QKI: variants seen among roughly 807,000 people sequenced by gnomAD.
The protein encoded by QKI is QKI, KH domain containing RNA binding.
A neutral mutation model predicts 39.0 loss-of-function variants in QKI; 10 were observed. That is an observed-to-expected ratio of 0.26 (90% CI 0.16 to 0.43). QKI has a LOEUF of 0.43. Ranked by LOEUF, QKI falls within the 20% of genes least tolerant of loss-of-function variation. The pLI is 1.00. For synonymous variants in QKI, 204 were observed against 155.4 expected (o/e 1.31, Z -2.33); for missense variants, 218 against 428.0 (o/e 0.51, Z 4.33).
At chr6:163,566,331 G>T in intron 6 of QKI, 1 of 1,188,238 alleles carries the variant, frequency 8.4e-7, no homozygotes, top group Non-Finnish European at 1.0e-6. Context: ...CTCTTGAAGT[G>T]GTCTTAAGGT....
rs1562559088 is a variant in QKI at position 163,571,406 on chromosome 6, T to C, written c.*696T>C. On this transcript the variant is annotated 3_prime_UTR_variant, in exon 8 of 8. Transcript: ENST00000361752. ...AACACTATTTTTAAAAAGATAAATA[T>C]CTGAGTTAAAATTACTGAATCTTTA... is the stretch of plus-strand genomic sequence containing the variant. 1 of 152,132 alleles carries C rather than the reference T, an allele frequency of 6.6e-6. No individual in the cohort carries two copies. The highest frequency in any genetic ancestry group is 1.5e-5 in the Non-Finnish European group (1 of 68,040). 9.4% of individuals were successfully genotyped at this position (152,132 alleles called of 1,614,324 possible).
chr6:163,430,494 G>C (rs886755200), intron 1 of QKI, among the ~76,000 whole-genome samples: 1 of 151,834 alleles, frequency 6.6e-6, no homozygotes, highest in Non-Finnish European at 1.5e-5. Flanking sequence ...TTATTATGAA[G>C]CCATGTGTTT....
intron 3 of QKI, among the ~76,000 whole-genome samples, chr6:163,521,069 G>A (rs1051245238): frequency 9.2e-5 from 14 of 151,992 alleles, no homozygotes; most frequent in African/African-American, 3.4e-4. Flanking sequence ...TGAAATACAC[G>A]TTAATACTTT....
rs1180654181 is a variant in QKI at position 163,572,703 on chromosome 6, CCT to C, written c.*1996_*1997del. 7.7e-6 allele frequency: 1 copy of C among 130,362 alleles called. No individual in the cohort carries two copies. Among genetic ancestry groups the C allele is most frequent in the East Asian group, 2.8e-4 (1 of 3,572 alleles). The allele number at this position is 130,362 out of a possible 1,614,324, so 8.1% of individuals were successfully genotyped here. A position where few individuals can be genotyped will look rare whatever the true frequency, so the allele number is the denominator to read the frequency against. Reference sequence around the variant, plus strand: ...CCCCGCCCAGCTTATCAACTCGTCCCCTCTTCCACACCTTCCCAGCATCACAG... The same window carrying C: ...CCCCGCCCAGCTTATCAACTCGTCCCCTTCCACACCTTCCCAGCATCACAG... On this transcript the variant is annotated 3_prime_UTR_variant, in exon 8 of 8. Transcript: ENST00000361752.
At chr6:163,465,073 A>T (rs565893934) in intron 2 of QKI, among the ~76,000 whole-genome samples, 3 of 152,352 alleles carry the variant, frequency 2.0e-5, no homozygotes, top group African/African-American at 7.2e-5. Flanking sequence ...ACAGAATGAA[A>T]AATAAAAACC....
intron 5 of QKI, among the ~76,000 whole-genome samples, chr6:163,563,117 G>A (rs776692174): frequency 6.6e-6 from 1 of 152,112 alleles, no homozygotes; most frequent in Non-Finnish European, 1.5e-5. Context: ...ATGTACTTTA[G>A]TCTTATGAAA....
At chr6:163,490,037 G>A (rs913195425) in intron 3 of QKI, among the ~76,000 whole-genome samples, 14 of 152,104 alleles carry the variant, frequency 9.2e-5, no homozygotes, top group African/African-American at 3.4e-4. Context: ...CAGGTTGTTT[G>A]TTAGAGGGTT....
chr6:163,491,017 T>TAGTA (rs1305392595), intron 3 of QKI, among the ~76,000 whole-genome samples: 2 of 152,214 alleles, frequency 1.3e-5, no homozygotes, highest in Non-Finnish European at 2.9e-5. Context: ...GTTTATTGCC[T>TAGTA]AGTAGCCTTA....
rs528627777 is a variant in QKI, at chr6:163,575,685, T to C, written c.*4975T>C. The C allele has an allele frequency of 1.1e-4, 16 of 152,300 alleles. No homozygotes were observed. Among genetic ancestry groups the C allele is most frequent in the African/African-American group, 3.8e-4 (16 of 41,570 alleles). 9.4% of individuals were successfully genotyped at this position (152,300 alleles called of 1,614,324 possible). On this transcript the variant is annotated 3_prime_UTR_variant, in exon 8 of 8. Transcript: ENST00000361752. Reference sequence around the variant, plus strand: ...TGTGCATACGTACACACAATCGGTGTCTGGTTATGGTTTTCTAAACACTAC... The same window carrying C: ...TGTGCATACGTACACACAATCGGTGCCTGGTTATGGTTTTCTAAACACTAC...
chr6:163,480,362 A>G (rs1792985249), intron 3 of QKI, among the ~76,000 whole-genome samples: 2 of 152,100 alleles, frequency 1.3e-5, no homozygotes, highest in East Asian at 1.9e-4. Context: ...TTAGACCAGT[A>G]CGCTGAATCG....
At chr6:163,546,304 A>G (rs1187834710) in intron 4 of QKI, among the ~76,000 whole-genome samples, 2 of 151,808 alleles carry the variant, frequency 1.3e-5, no homozygotes, top group East Asian at 3.9e-4. Flanking sequence ...AAGTAGCATC[A>G]TGTTCCTTAT....
At chr6:163,510,491 G>A (rs577729006) in intron 3 of QKI, among the ~76,000 whole-genome samples, 55 of 151,784 alleles carry the variant, frequency 3.6e-4, no homozygotes, top group East Asian at 5.8e-4. Flanking sequence ...AACTCGGGAG[G>A]TGTGGGTTGC....
rs983052365 is a variant in QKI at position 163,568,699 on chromosome 6, A to G, written c.1009+1904A>G. ...GCATTCATTTAATGCAAAAAAACTC[A>G]GCCCTTGGACATATAACCATGTAAT... On this transcript the variant is annotated intron_variant, in intron 7 of 7. Coordinates refer to ENST00000361752, the MANE Select transcript of QKI (RefSeq NM_006775.3). 5.4e-5 allele frequency: 53 copies of G among 985,218 alleles called. No individual in the cohort carries two copies. In the African/African-American group the frequency reaches 8.2e-4, roughly 15 times the overall value. 61.0% of individuals were successfully genotyped at this position (985,218 alleles called of 1,614,324 possible).
At chr6:163,536,044 A>C (rs890614571) in intron 4 of QKI, among the ~76,000 whole-genome samples, 2 of 152,206 alleles carry the variant, frequency 1.3e-5, no homozygotes, top group Admixed American at 6.5e-5. Flanking sequence ...CAGATAGCCT[A>C]TTCTTTATTA....
intron 3 of QKI, among the ~76,000 whole-genome samples, chr6:163,518,329 G>T (rs1779955811): frequency 6.6e-6 from 1 of 152,108 alleles, no homozygotes; most frequent in African/African-American, 2.4e-5. Flanking sequence ...TCAAAGATAA[G>T]ATACAATCAA....
intron 2 of QKI, among the ~76,000 whole-genome samples, chr6:163,470,431 C>A (rs557219376): frequency 6.6e-6 from 1 of 152,196 alleles, no homozygotes; most frequent in African/African-American, 2.4e-5. Flanking sequence ...AGGTGCCTGG[C>A]AGAAGCTGAT....
At chr6:163,423,636 T>C (rs1023859180) in intron 1 of QKI, 2 of 152,254 alleles carry the variant, frequency 1.3e-5, no homozygotes, top group African/African-American at 2.4e-5. Flanking sequence ...TTCTGTGATA[T>C]GCTGGTTTTG....
At chr6:163,494,936 G>A (rs1778309048) in intron 3 of QKI, among the ~76,000 whole-genome samples, 1 of 150,578 alleles carries the variant, frequency 6.6e-6, no homozygotes, top group Non-Finnish European at 1.5e-5. Context: ...TTTTTTTTGA[G>A]ACAGAGTCAC....
In QKI at chr6:163,495,537, A is replaced by G. The variant is rs534321921; in HGVS notation, c.402+16641A>G. Among the ~76,000 whole-genome samples, 18 of 152,270 alleles carry G rather than the reference A, an allele frequency of 1.2e-4. No homozygotes were observed. The East Asian group carries it at 2.9e-3, about 24-fold the overall frequency. On this transcript the variant is annotated intron_variant, in intron 3 of 7. Coordinates refer to ENST00000361752, the MANE Select transcript of QKI (RefSeq NM_006775.3). ...CCTATAACCAAGGACATTCTTTTAC[A>G]TAGTTACTTTATCAAATTCTGAAAA... is the stretch of plus-strand genomic sequence containing the variant.
Sources: gnomAD v4.1 joint callset for allele counts (sites outside exome capture counted in the v4.1 genomes callset) on GRCh38, gnomAD v4.1.1 for gene constraint, MANE v1.5 for transcripts, NCBI Gene and HGNC (gene_info 2026-07-23, HGNC 2026-07-21) for gene names.